The following IMPG2 variants were observed in gnomAD, a reference collection of about 807,000 sequenced individuals.
The protein encoded by IMPG2 is IPM 200.
A neutral mutation model predicts 129.2 loss-of-function variants in IMPG2; 91 were observed. The observed-to-expected ratio is 0.70, with a 90% CI of 0.59 to 0.84. The LOEUF is 0.84. Among genes scored for constraint, IMPG2 ranks in the 40% least tolerant of loss-of-function variants. The probability of loss-of-function intolerance (pLI) is 0.00; values close to 1 mark genes in which losing one functional copy is unlikely to be tolerated. For synonymous variants in IMPG2, 510 were observed against 517.7 expected, an observed-to-expected ratio of 0.99 and a Z score of 0.20; for missense variants, 1,430 against 1,461.7, an observed-to-expected ratio of 0.98 and a Z score of 0.35.
At position 101,226,018 on chromosome 3, in the gene IMPG2, G is replaced by T. The variant is rs1396271761; in HGVS notation, c.*951C>A. On this transcript the variant is annotated 3_prime_UTR_variant, in exon 19 of 19. Transcript: ENST00000193391. ...TCTATATTATGTGAGGTAGTTAAGT[G>T]CTGTTTTCCAAATTAATACACCAGG... 1.3e-5 allele frequency: 2 copies of T among 154,450 alleles called. No homozygotes were observed. Among genetic ancestry groups the T allele is most frequent in the Non-Finnish European group, 2.9e-5 (2 of 68,166 alleles). The allele number at this position is 154,450 out of a possible 1,614,324, so 9.6% of individuals were successfully genotyped here. A position where few individuals can be genotyped will look rare whatever the true frequency, so the allele number is the denominator to read the frequency against.
At position 101,300,418 on chromosome 3, in the gene IMPG2, G is replaced by A. The variant is rs574559255; in HGVS notation, c.501+3728C>T. Among the ~76,000 whole-genome samples, 8 of 152,354 alleles carry A rather than the reference G, an allele frequency of 5.3e-5. No homozygotes were observed. The East Asian group carries it at 1.5e-3, about 29-fold the overall frequency. Reference sequence around the variant, plus strand: ...AGCAGGCAGCCACAGCGGTGGTGCTGGTTGCCCCTCCCGCGGGGAGCTCCG... The same window carrying A: ...AGCAGGCAGCCACAGCGGTGGTGCTAGTTGCCCCTCCCGCGGGGAGCTCCG... On this transcript the variant is annotated intron_variant, in intron 3 of 18. Coordinates refer to ENST00000193391, the MANE Select transcript of IMPG2 (RefSeq NM_016247.4).
At chr3:101,284,933 A>T (rs1304429807) in intron 4 of IMPG2, among the ~76,000 whole-genome samples, 1 of 152,194 alleles carries the variant, frequency 6.6e-6, no homozygotes, top group Non-Finnish European at 1.5e-5. Context: ...CACAACCATC[A>T]AATTAGTTAA....
Position 101,230,983 on chromosome 3 carries a change from G to C in IMPG2, c.3396C>G (p.Asp1132Glu). Residue 1132 changes from aspartate (D) to glutamate (E), a missense_variant, in exon 16 of 19, where the codon GAC (aspartate) becomes GAG (glutamate). Transcript: ENST00000193391. ...TGAAGGGACTCTCTCTTTCACTCCT[G>C]TCATGGTGTGCTTGGAGAGTCCTGA... ...FFIRTLQAHHDRSERESPFSG... is the reference protein window; with the variant it reads ...FFIRTLQAHHERSERESPFSG... The C allele has an allele frequency of 1.2e-6, 2 of 1,613,692 alleles. No homozygotes were observed. The highest frequency in any genetic ancestry group is 1.7e-6 in the Non-Finnish European group (2 of 1,179,612).
chr3:101,244,357 T>C lies in IMPG2; in HGVS notation c.1974A>G (p.Thr658=). Reference sequence around the variant, plus strand: ...ATTTTGAGTGCTTACTAATTTGGTCTGTGGAATCCATTTTGTCAACTAAAA... The same window carrying C: ...ATTTTGAGTGCTTACTAATTTGGTCCGTGGAATCCATTTTGTCAACTAAAA... The part of the protein sequence containing the change: ...KLVLVDKMDS[T]DQISKHSKYE... Residue 658 remains threonine (T), a synonymous_variant, in exon 13 of 19, where the codon ACA becomes ACG. Transcript: ENST00000193391. 1 of 1,614,150 alleles carries C rather than the reference T, an allele frequency of 6.2e-7. No individual in the cohort carries two copies. Among genetic ancestry groups the C allele is most frequent in the Non-Finnish European group, 8.5e-7 (1 of 1,180,004 alleles).
chr3:101,277,158 A>G (rs1209881790), intron 4 of IMPG2, among the ~76,000 whole-genome samples: 1 of 152,218 alleles, frequency 6.6e-6, no homozygotes, highest in Non-Finnish European at 1.5e-5. Context: ...CAAGTGCTTA[A>G]TAGCTGCATG....
chr3:101,257,399 A>G, intron 10 of IMPG2, 130 bp downstream of exon 10: 1 of 1,054,488 alleles, frequency 9.5e-7, no homozygotes, highest in Non-Finnish European at 1.4e-6. Context: ...CTCCATTCAT[A>G]TCAGGTTGGC....
chr3:101,274,666 G>T (rs503669), intron 6 of IMPG2, among the ~76,000 whole-genome samples: 3 of 152,106 alleles, frequency 2.0e-5, no homozygotes, highest in South Asian at 2.1e-4. Flanking sequence ...GGATATTAAC[G>T]TTCCAATTGA....
chr3:101,315,838 G>GA (rs148496591), intron 2 of IMPG2, among the ~76,000 whole-genome samples: 178 of 146,206 alleles, frequency 1.2e-3, no homozygotes, highest in African/African-American at 4.2e-3. Flanking sequence ...AAACAAATTT[G>GA]AAAAAAAAAC....
At chr3:101,311,725 G>A (rs976429392) in intron 2 of IMPG2, among the ~76,000 whole-genome samples, 2 of 152,070 alleles carry the variant, frequency 1.3e-5, no homozygotes, top group African/African-American at 4.8e-5. Context: ...TAAAATTTAT[G>A]TGGAATTGCA....
Position 101,244,624 on chromosome 3 carries a change from C to G in IMPG2, c.1707G>C (p.Leu569Phe). The G allele has an allele frequency of 6.2e-7, 1 of 1,603,710 alleles. No homozygotes were observed. Residue 569 changes from leucine (L) to phenylalanine (F), a missense_variant, in exon 13 of 19, where the codon TTG (leucine) becomes TTC (phenylalanine). Coordinates refer to ENST00000193391, the MANE Select transcript of IMPG2 (RefSeq NM_016247.4). ...PYLTSSIPFGLDSLTSKVKDQ... is the reference protein window; with the variant it reads ...PYLTSSIPFGFDSLTSKVKDQ... ...CTTTGACTTTGGAGGTCAAGGAGTC[C>G]AAGCCAAAAGGTATAGAAGAGGTCA...
chr3:101,256,429 T>C (rs1002955070), intron 10 of IMPG2, among the ~76,000 whole-genome samples: 5 of 151,930 alleles, frequency 3.3e-5, no homozygotes, highest in African/African-American at 1.2e-4. Context: ...CTCTAAAAAT[T>C]CTCCTTCCAA....
rs1231141367 is a variant in IMPG2 at position 101,244,741 on chromosome 3, T to C, written c.1590A>G (p.Ser530=). 6.2e-7 allele frequency: 1 copy of C among 1,614,060 alleles called. No individual in the cohort carries two copies. Among genetic ancestry groups the C allele is most frequent in the Non-Finnish European group, 8.5e-7 (1 of 1,179,936 alleles). Residue 530 remains serine, a synonymous_variant, in exon 13 of 19, where the codon TCA becomes TCG. Coordinates refer to ENST00000193391, the MANE Select transcript of IMPG2 (RefSeq NM_016247.4). The stretch of plus-strand genomic sequence containing the variant: ...GTTGAGTGAATGAACTTGAAGGCAA[T>C]GAATCAATAGAAAGAAAATCTTCTG... The part of the protein sequence containing the change: ...EESEDFLSID[S]LPSSSFTQPV...
At chr3:101,227,971 G>A in intron 18 of IMPG2, 1 of 392,808 alleles carries the variant, frequency 2.5e-6, no homozygotes, top group East Asian at 7.3e-5. Flanking sequence ...GAATTGCTCT[G>A]ATTTTTCTCT....
chr3:101,319,146 A>C (rs2058798338), intron 2 of IMPG2, among the ~76,000 whole-genome samples: 1 of 152,164 alleles, frequency 6.6e-6, no homozygotes. Context: ...AATTAAAATT[A>C]ATGTAGCCCA....
intron 10 of IMPG2, among the ~76,000 whole-genome samples, chr3:101,256,881 G>C (rs1163942812): frequency 1.3e-5 from 2 of 152,100 alleles, no homozygotes; most frequent in Non-Finnish European, 2.9e-5. Context: ...GATGAGTTAA[G>C]ATGCTGCATA....
chr3:101,284,831 G>A (rs1427336735), intron 4 of IMPG2, among the ~76,000 whole-genome samples: 1 of 152,090 alleles, frequency 6.6e-6, no homozygotes, highest in African/African-American at 2.4e-5. Flanking sequence ...TTGTCTCTAT[G>A]TCTGAGATAT....
intron 9 of IMPG2, among the ~76,000 whole-genome samples, chr3:101,265,462 A>G: frequency 6.6e-6 from 1 of 152,168 alleles, no homozygotes; most frequent in East Asian, 1.9e-4. Context: ...CACTCTCTTC[A>G]ATGAATGGTG....
chr3:101,287,186 T>G (rs1051783891), intron 4 of IMPG2, among the ~76,000 whole-genome samples: 1 of 152,108 alleles, frequency 6.6e-6, no homozygotes, highest in African/African-American at 2.4e-5. Context: ...CATGATTAAT[T>G]AATATGGAAA....
At chr3:101,315,340 G>A (rs1487298483) in intron 2 of IMPG2, among the ~76,000 whole-genome samples, 2 of 152,128 alleles carry the variant, frequency 1.3e-5, no homozygotes, top group African/African-American at 2.4e-5. Context: ...TGATATGTAA[G>A]TAAGTGTAAG....
Sources: allele counts gnomAD v4.1 joint callset (sites outside exome capture counted in the v4.1 genomes callset), GRCh38; gene constraint gnomAD v4.1.1; transcripts MANE v1.5; gene names NCBI Gene and HGNC (gene_info 2026-07-23, HGNC 2026-07-21).